Variants in ITSN1 observed in about 807,000 individuals in gnomAD.
ITSN1 encodes intersectin 1, also known as intersectin-1.
ITSN1 carries 58 observed loss-of-function variants against 239.8 expected under a neutral mutation model. The ratio of observed to expected loss-of-function variants is 0.24; its 90% CI spans 0.20 to 0.30. ITSN1 has a LOEUF of 0.30. Among genes scored for constraint, ITSN1 ranks in the 10% least tolerant of loss-of-function variants. The pLI, the probability that ITSN1 is intolerant of heterozygous loss-of-function variation, is 1.00. For missense variants in ITSN1, 1,558 were observed against 2,103.3 expected, an observed-to-expected ratio of 0.74 and a Z score of 5.07; for synonymous variants, 780 against 770.8, an observed-to-expected ratio of 1.01 and a Z score of -0.20.
chr21:33,748,481 C>T (rs2067322282), intron 5 of ITSN1, among the ~76,000 whole-genome samples: 1 of 151,844 alleles, frequency 6.6e-6, no homozygotes, highest in Non-Finnish European at 1.5e-5. Context: ...ATTTTAATTA[C>T]TATTATTATG....
intron 24 of ITSN1, among the ~76,000 whole-genome samples, chr21:33,823,093 A>G (rs1272640007): frequency 6.6e-6 from 1 of 152,272 alleles, no homozygotes; most frequent in Non-Finnish European, 1.5e-5. Flanking sequence ...ATATGAATGC[A>G]TCTGACCCAG....
At chr21:33,875,910 C>T (rs1243296029) in intron 34 of ITSN1, among the ~76,000 whole-genome samples, 1 of 152,134 alleles carries the variant, frequency 6.6e-6, no homozygotes, top group Non-Finnish European at 1.5e-5. Flanking sequence ...GAACTCCTGG[C>T]CTCAGGTGAT....
intron 4 of ITSN1, among the ~76,000 whole-genome samples, chr21:33,725,635 T>A (rs2065787893): frequency 6.6e-6 from 1 of 152,196 alleles, no homozygotes; most frequent in South Asian, 2.1e-4. Context: ...AAACTATTTT[T>A]ACCTGAGTGG....
chr21:33,846,060 G>A (rs944158669), intron 29 of ITSN1, among the ~76,000 whole-genome samples: 8 of 152,142 alleles, frequency 5.3e-5, no homozygotes, highest in African/African-American at 1.9e-4. Context: ...GTGCCCACAT[G>A]TCCAATAGGG....
intron 4 of ITSN1, among the ~76,000 whole-genome samples, chr21:33,726,564 C>T (rs2065844642): frequency 6.6e-6 from 1 of 152,148 alleles, no homozygotes; most frequent in African/African-American, 2.4e-5. Flanking sequence ...AGTGCAGTGG[C>T]ATGATCATAG....
intron 1 of ITSN1, among the ~76,000 whole-genome samples, chr21:33,668,392 A>G (rs759154339): frequency 6.6e-6 from 1 of 152,214 alleles, no homozygotes; most frequent in African/African-American, 2.4e-5. Context: ...CTCTGCCATG[A>G]GGAGTAAGCC....
In ITSN1 at chr21:33,797,473, A is replaced by G. The variant is rs2071651372; in HGVS notation, c.2047A>G (p.Lys683Glu). The G allele has an allele frequency of 1.2e-6, 2 of 1,614,006 alleles. No homozygotes were observed. Among genetic ancestry groups the G allele is most frequent in the South Asian group, 2.2e-5 (2 of 91,078 alleles). ...PRKLHEEEKL[K>E]REESVKKKDG... ...AAAACTCCACGAAGAGGAAAAACTG[A>G]AAAGGGAGGAGAGTGTCAAAAAGAA... Residue 683 changes from lysine (K) to glutamate (E), a missense_variant, in exon 18 of 40, where the codon AAA becomes GAA. Around this residue, in one of 2 missense-constraint regions of ITSN1, gnomAD observed 982 missense variants for 1,209.9 expected, o/e 0.81. Transcript: ENST00000381318. This position sits in a 1 kb window ranked among gnomAD's most constrained non-coding sequence, Gnocchi z 4.9.
chr21:33,834,243 A>C (rs1261914544), intron 27 of ITSN1, 64 bp from the exon 28 acceptor site: 8 of 1,167,808 alleles, frequency 6.9e-6, no homozygotes, highest in Non-Finnish European at 1.0e-5. Context: ...GCTCTGTTAT[A>C]AAGTGAGCTG....
At chr21:33,792,654 G>A (rs1030131081) in intron 16 of ITSN1, among the ~76,000 whole-genome samples, 2 of 152,112 alleles carry the variant, frequency 1.3e-5, no homozygotes, top group Admixed American at 6.5e-5. Flanking sequence ...TTCTCCCTAG[G>A]GTTGATTTTC....
chr21:33,770,037 G>A (rs1046168389), intron 11 of ITSN1, among the ~76,000 whole-genome samples: 7 of 150,826 alleles, frequency 4.6e-5, no homozygotes, highest in African/African-American at 1.7e-4. Flanking sequence ...TATCATAAGG[G>A]CCCCACTCTC....
In ITSN1 at chr21:33,865,425, A is replaced by T; in HGVS notation, c.4074+91A>T. On this transcript the variant is annotated intron_variant, in intron 32 of 39. Transcript: ENST00000381318. This position sits in a 1 kb window ranked among gnomAD's most constrained non-coding sequence, Gnocchi z 4.4. ...AGGGGCTAATTCAAAAGTCTGCAAG[A>T]GTGTTCCCACTAGAGGCCAACAGGG... 1 of 1,130,818 alleles carries T rather than the reference A, an allele frequency of 8.8e-7. No homozygotes were observed. Among genetic ancestry groups the T allele is most frequent in the African/African-American group, 1.6e-5 (1 of 63,224 alleles). 70.0% of individuals were successfully genotyped at this position (1,130,818 alleles called of 1,614,324 possible).
intron 1 of ITSN1, among the ~76,000 whole-genome samples, chr21:33,684,444 A>G (rs1205103910): frequency 6.6e-6 from 1 of 152,220 alleles, no homozygotes; most frequent in African/African-American, 2.4e-5. Context: ...ATTAATGAGG[A>G]CATTTATTAA....
chr21:33,694,763 G>C (rs1347828360), intron 1 of ITSN1, among the ~76,000 whole-genome samples: 1 of 152,154 alleles, frequency 6.6e-6, no homozygotes, highest in East Asian at 1.9e-4. Context: ...AGATTGCAGT[G>C]AGCCGATATC....
At chr21:33,817,384 C>G (rs939832950) in intron 22 of ITSN1, 1 of 1,304,320 alleles carries the variant, frequency 7.7e-7, no homozygotes, top group African/African-American at 1.5e-5. Flanking sequence ...CCCTAGCTGT[C>G]AAAGTCCTTC....
chr21:33,875,150 A>G lies in ITSN1; in HGVS notation c.4174-204A>G, dbSNP rs571243228. Reference sequence around the variant, plus strand: ...ATGGGACCATTCACTGCTTCCCGCAATGCCACCCACTGGAGCCATCAAGGA... The same window carrying G: ...ATGGGACCATTCACTGCTTCCCGCAGTGCCACCCACTGGAGCCATCAAGGA... On this transcript the variant is annotated intron_variant, in intron 33 of 39. Transcript: ENST00000381318. 3.3e-5 allele frequency among the ~76,000 whole-genome samples: 5 copies of G among 152,258 alleles called. No homozygotes were observed. In the East Asian group the frequency reaches 9.7e-4, roughly 29 times the overall value.
At chr21:33,652,871 A>G (rs2088666574) in intron 1 of ITSN1, among the ~76,000 whole-genome samples, 1 of 152,076 alleles carries the variant, frequency 6.6e-6, no homozygotes, top group African/African-American at 2.4e-5. Flanking sequence ...TTGTGATTCC[A>G]GATAATATTA....
At chr21:33,837,709 G>A (rs535575107) in intron 29 of ITSN1, 175 of 985,842 alleles carry the variant, frequency 1.8e-4, no homozygotes, top group Non-Finnish European at 2.1e-4. Flanking sequence ...TACCTTGTAC[G>A]ATGCTCTAAT....
chr21:33,673,317 A>G (rs1345652537), intron 1 of ITSN1, among the ~76,000 whole-genome samples: 2 of 152,180 alleles, frequency 1.3e-5, no homozygotes, highest in African/African-American at 4.8e-5. Context: ...TAGAGATCTA[A>G]TATTTAGCAT....
intron 1 of ITSN1, among the ~76,000 whole-genome samples, chr21:33,672,935 C>T (rs1601560010): frequency 6.6e-6 from 1 of 152,170 alleles, no homozygotes; most frequent in African/African-American, 2.4e-5. Context: ...TGGTCTCGAT[C>T]TCTTGACCTC....
Sources: gnomAD v4.1 joint callset for allele counts (sites outside exome capture counted in the v4.1 genomes callset) on GRCh38, gnomAD v4.1.1 for gene constraint, gnomAD v4.1.1 regional missense constraint, Gnocchi (gnomAD v3.1) non-coding constraint, MANE v1.5 for transcripts, NCBI Gene and HGNC (gene_info 2026-07-23, HGNC 2026-07-21) for gene names.